PTPRD: variants seen among roughly 807,000 people sequenced by gnomAD.
The protein encoded by PTPRD is receptor-type tyrosine-protein phosphatase delta.
In PTPRD, 34 loss-of-function variants were observed where a neutral mutation model predicts 214.5. The observed-to-expected ratio is 0.16, with a 90% CI of 0.12 to 0.21. The LOEUF (loss-of-function observed/expected upper bound fraction) is 0.21. Among genes scored for constraint, PTPRD ranks in the 10% least tolerant of loss-of-function variants. PTPRD has a pLI of 1.00. For synonymous variants in PTPRD, 1,128 were observed against 845.7 expected, an observed-to-expected ratio of 1.33 and a Z score of -5.79; for missense variants, 2,545 against 2,398.7, an observed-to-expected ratio of 1.06 and a Z score of -1.27.
At chr9:9,448,865 G>T (rs2091304157) in intron 8 of PTPRD, among the ~76,000 whole-genome samples, 1 of 151,978 alleles carries the variant, frequency 6.6e-6, no homozygotes, top group Non-Finnish European at 1.5e-5. Context: ...AATGGATGAG[G>T]TTGCTAATCA....
chr9:9,275,171 TATA>T (rs1431884182), intron 9 of PTPRD, among the ~76,000 whole-genome samples: 1,396 of 39,364 alleles, frequency 0.035, 46 homozygotes, highest in African/African-American at 0.099. Flanking sequence ...ATAACATATA[TATA>T]ATATATATGT....
intron 5 of PTPRD, among the ~76,000 whole-genome samples, chr9:9,882,058 G>T (rs927939514): frequency 3.3e-5 from 5 of 152,120 alleles, no homozygotes; most frequent in South Asian, 2.1e-4. Flanking sequence ...GTTGAAAAAA[G>T]AATGTAGACA....
chr9:8,709,778 C>A (rs2098290868), intron 12 of PTPRD, among the ~76,000 whole-genome samples: 1 of 151,912 alleles, frequency 6.6e-6, no homozygotes, highest in Admixed American at 6.6e-5. Context: ...TAACCAAATA[C>A]AGGAATCAAA....
At chr9:9,959,344 G>A (rs1413720129) in intron 4 of PTPRD, among the ~76,000 whole-genome samples, 2 of 152,118 alleles carry the variant, frequency 1.3e-5, no homozygotes, top group Non-Finnish European at 2.9e-5. Flanking sequence ...CGAGAGGAAG[G>A]AAGAGGGGTA....
chr9:9,318,831 G>A (rs968100859), intron 9 of PTPRD, among the ~76,000 whole-genome samples: 3 of 152,092 alleles, frequency 2.0e-5, no homozygotes, highest in Admixed American at 6.6e-5. Flanking sequence ...CCTTGTTGAC[G>A]TTCAAATGCA....
At chr9:8,610,635 A>G (rs1054289799) in intron 14 of PTPRD, among the ~76,000 whole-genome samples, 4 of 152,244 alleles carry the variant, frequency 2.6e-5, no homozygotes, top group African/African-American at 4.8e-5. Context: ...ACTGACCTTT[A>G]AAGTATTTAC....
intron 8 of PTPRD, among the ~76,000 whole-genome samples, chr9:9,496,684 T>C (rs2096206664): frequency 6.6e-6 from 1 of 152,144 alleles, no homozygotes; most frequent in Admixed American, 6.6e-5. Context: ...CTGTGGACAG[T>C]GTTATGGTTA....
At chr9:9,672,179 GTATAATTCTA>G (rs2096844286) in intron 7 of PTPRD, among the ~76,000 whole-genome samples, 1 of 152,056 alleles carries the variant, frequency 6.6e-6, no homozygotes, top group African/African-American at 2.4e-5. Context: ...AAGAAAACAG[GTATAATTCTA>G]TATGATTCCA....
At chr9:10,404,100 A>G (rs2098322642) in intron 2 of PTPRD, among the ~76,000 whole-genome samples, 2 of 151,746 alleles carry the variant, frequency 1.3e-5, no homozygotes. Flanking sequence ...TAGACAGTGT[A>G]TGCAAACTGT....
intron 9 of PTPRD, among the ~76,000 whole-genome samples, chr9:9,352,146 A>G (rs973580511): frequency 6.6e-6 from 1 of 151,634 alleles, no homozygotes; most frequent in African/African-American, 2.4e-5. Context: ...TGTCCCCCAC[A>G]TATCTTTGGA....
At position 9,795,986 on chromosome 9, in the gene PTPRD, G is replaced by C. The variant is rs2098999880; in HGVS notation, c.-367-29135C>G. On this transcript the variant is annotated intron_variant, in intron 5 of 45. Transcript: ENST00000381196. ...CAATGACTATGCACCACCGTCACAA[G>C]AAAAAAGAAAATATATAGAATTACA... Among the ~76,000 whole-genome samples the C allele has an allele frequency of 2.0e-5, 3 of 151,656 alleles. No individual in the cohort carries two copies. In the South Asian group the frequency reaches 6.2e-4, roughly 32 times the overall value.
At chr9:9,822,716 G>T (rs1224811896) in intron 5 of PTPRD, among the ~76,000 whole-genome samples, 2 of 151,858 alleles carry the variant, frequency 1.3e-5, no homozygotes, top group African/African-American at 4.8e-5. Context: ...TACAGATTGA[G>T]AATCACTAAT....
At chr9:9,026,857 G>T (rs1487134483) in intron 10 of PTPRD, among the ~76,000 whole-genome samples, 1 of 151,666 alleles carries the variant, frequency 6.6e-6, no homozygotes, top group African/African-American at 2.4e-5. Context: ...CTCTAAGCTG[G>T]ACTCTCCTAC....
intron 3 of PTPRD, among the ~76,000 whole-genome samples, chr9:10,073,725 C>A (rs1285245387): frequency 6.6e-6 from 1 of 151,992 alleles, no homozygotes; most frequent in South Asian, 2.1e-4. Context: ...ACATCGTTGA[C>A]ATGTGCCAAT....
At chr9:10,195,860 G>T (rs1593825682) in intron 3 of PTPRD, among the ~76,000 whole-genome samples, 1 of 152,204 alleles carries the variant, frequency 6.6e-6, no homozygotes, top group Non-Finnish European at 1.5e-5. Flanking sequence ...CAACACGGAT[G>T]AATTACAAAA....
At chr9:10,133,337 A>G (rs1305366225) in intron 3 of PTPRD, among the ~76,000 whole-genome samples, 1 of 152,184 alleles carries the variant, frequency 6.6e-6, no homozygotes, top group Non-Finnish European at 1.5e-5. Context: ...TACACCAAAT[A>G]TGGACTAGAT....
chr9:10,611,199 T>C (rs1372959431), intron 2 of PTPRD, among the ~76,000 whole-genome samples: 1 of 152,178 alleles, frequency 6.6e-6, no homozygotes, highest in Admixed American at 6.5e-5. Context: ...CTTTTTCTAA[T>C]CACTATTAGA....
intron 7 of PTPRD, among the ~76,000 whole-genome samples, chr9:9,689,722 T>C (rs1374135469): frequency 1.3e-5 from 2 of 151,920 alleles, no homozygotes; most frequent in African/African-American, 2.4e-5. Context: ...TTCCCATATA[T>C]GAGGAAGAGT....
intron 11 of PTPRD, among the ~76,000 whole-genome samples, chr9:8,786,141 G>A (rs2095952089): frequency 6.6e-6 from 1 of 152,024 alleles, no homozygotes; most frequent in African/African-American, 2.4e-5. Flanking sequence ...GGTAGGGTGG[G>A]AGGGATTCAG....
Sources: gnomAD v4.1 joint callset for allele counts (sites outside exome capture counted in the v4.1 genomes callset) on GRCh38, gnomAD v4.1.1 for gene constraint, MANE v1.5 for transcripts, NCBI Gene and HGNC (gene_info 2026-07-23, HGNC 2026-07-21) for gene names.